Variants in ANO10 observed in about 807,000 individuals in gnomAD.
ANO10 encodes anoctamin 10, also known as anoctamin-10.
A neutral mutation model predicts 74.7 loss-of-function variants in ANO10; 77 were observed. The observed-to-expected ratio is 1.03, with a 90% CI of 0.86 to 1.25. The LOEUF (loss-of-function observed/expected upper bound fraction) is 1.25, where lower values mean the gene tolerates loss of function less well. Ranked by LOEUF, ANO10 falls within the 50% of genes most tolerant of loss-of-function variation. The pLI is 0.00. For missense variants in ANO10, 721 were observed against 778.1 expected, an observed-to-expected ratio of 0.93 and a Z score of 0.87; for synonymous variants, 279 against 284.9, an observed-to-expected ratio of 0.98 and a Z score of 0.21.
intron 11 of ANO10, among the ~76,000 whole-genome samples, chr3:43,470,380 G>C (rs924530305): frequency 9.3e-4 from 141 of 152,314 alleles, no homozygotes; most frequent in African/African-American, 3.3e-3. Flanking sequence ...TTGAGACGGA[G>C]TCTCGTTCTG....
At chr3:43,468,125 C>T (rs1027610374) in intron 11 of ANO10, among the ~76,000 whole-genome samples, 1 of 152,186 alleles carries the variant, frequency 6.6e-6, no homozygotes, top group Non-Finnish European at 1.5e-5. Flanking sequence ...TACTTTCCTG[C>T]TTTGGCCATA....
At chr3:43,546,535 C>T (rs1480960871) in intron 11 of ANO10, among the ~76,000 whole-genome samples, 2 of 152,028 alleles carry the variant, frequency 1.3e-5, no homozygotes, top group East Asian at 3.9e-4. Context: ...AAAAGACAAT[C>T]TTTTCAACAA....
At chr3:43,543,799 T>G (rs1427119269) in intron 11 of ANO10, among the ~76,000 whole-genome samples, 1 of 152,210 alleles carries the variant, frequency 6.6e-6, no homozygotes, top group Non-Finnish European at 1.5e-5. Flanking sequence ...GAATTAAACA[T>G]GCATGGTACA....
chr3:43,626,805 A>G (rs1312763425), upstream of ANO10, among the ~76,000 whole-genome samples: 2 of 152,152 alleles, frequency 1.3e-5, no homozygotes, highest in South Asian at 2.1e-4. Flanking sequence ...ATTCTGTCTT[A>G]TTAATCTGTT....
chr3:43,658,763 C>T (rs1369267505), intron 1 of ANO10, among the ~76,000 whole-genome samples: 1 of 152,108 alleles, frequency 6.6e-6, no homozygotes, highest in Non-Finnish European at 1.5e-5. Flanking sequence ...CCACCACACC[C>T]AGCCAGTTTA....
chr3:43,683,610 C>T (rs147371884), intron 1 of ANO10, among the ~76,000 whole-genome samples: 3,213 of 152,248 alleles, frequency 0.021, 53 homozygotes, highest in South Asian at 0.092. Flanking sequence ...AAAAAAGAGC[C>T]TGCATTGCCA....
chr3:43,502,684 A>G (rs374622916), intron 11 of ANO10, among the ~76,000 whole-genome samples: 6 of 152,268 alleles, frequency 3.9e-5, no homozygotes, highest in African/African-American at 1.2e-4. Flanking sequence ...TGGATGCATC[A>G]CAAGTGTTCA....
intron 5 of ANO10, among the ~76,000 whole-genome samples, chr3:43,578,769 A>C (rs2081130877): frequency 7.0e-6 from 1 of 142,918 alleles, no homozygotes; most frequent in South Asian, 2.1e-4. Flanking sequence ...AAAAAAAAAA[A>C]AAAAAAAAAG....
At chr3:43,486,286 TA>T (rs2076485923) in intron 11 of ANO10, among the ~76,000 whole-genome samples, 1 of 152,230 alleles carries the variant, frequency 6.6e-6, no homozygotes, top group South Asian at 2.1e-4. Flanking sequence ...GTCTTGCCAT[TA>T]AAATCTGTTT....
At chr3:43,684,445 G>C (rs2084246391) in intron 1 of ANO10, among the ~76,000 whole-genome samples, 2 of 152,210 alleles carry the variant, frequency 1.3e-5, no homozygotes, top group Admixed American at 6.5e-5. Flanking sequence ...GTGCTAGAGA[G>C]GATGTGGAGA....
At chr3:43,501,507 T>C (rs1488658928) in intron 11 of ANO10, among the ~76,000 whole-genome samples, 1 of 152,130 alleles carries the variant, frequency 6.6e-6, no homozygotes, top group Non-Finnish European at 1.5e-5. Context: ...ATGAAAAATC[T>C]AGAGAATCTG....
intron 1 of ANO10, among the ~76,000 whole-genome samples, chr3:43,617,783 A>G (rs999494696): frequency 6.6e-6 from 1 of 152,246 alleles, no homozygotes; most frequent in East Asian, 1.9e-4. Context: ...AAGGAAATGC[A>G]TAACACTGTC....
At chr3:43,544,777 A>AGCAAGAC (rs1405433852) in intron 11 of ANO10, among the ~76,000 whole-genome samples, 93 of 146,494 alleles carry the variant, frequency 6.3e-4, no homozygotes, top group African/African-American at 2.2e-3. Flanking sequence ...TGGGTGACAG[A>AGCAAGAC]GCAAGACTCT....
chr3:43,483,125 G>T (rs911580658), intron 11 of ANO10, among the ~76,000 whole-genome samples: 1 of 152,210 alleles, frequency 6.6e-6, no homozygotes, highest in Non-Finnish European at 1.5e-5. Context: ...GACATGGATG[G>T]ATGGTCAGCA....
At chr3:43,539,900 C>T (rs886957830) in intron 11 of ANO10, among the ~76,000 whole-genome samples, 1 of 152,144 alleles carries the variant, frequency 6.6e-6, no homozygotes, top group South Asian at 2.1e-4. Flanking sequence ...TTCTCCTAAA[C>T]TTTCTTAGGC....
At chr3:43,658,398 A>T in intron 1 of ANO10, among the ~76,000 whole-genome samples, 1 of 152,152 alleles carries the variant, frequency 6.6e-6, no homozygotes, top group African/African-American at 2.4e-5. Context: ...GACCATCTAC[A>T]AGGAACTGCA....
intron 12 of ANO10, among the ~76,000 whole-genome samples, chr3:43,374,971 A>G (rs1178776569): frequency 6.6e-6 from 1 of 151,996 alleles, no homozygotes; most frequent in Non-Finnish European, 1.5e-5. Flanking sequence ...AAATACAAAA[A>G]TTAGCTGGGC....
chr3:43,677,097 T>C (rs1020045989), intron 1 of ANO10, among the ~76,000 whole-genome samples: 1 of 152,126 alleles, frequency 6.6e-6, no homozygotes. Context: ...CAGCTGCCCA[T>C]CAACAGTGGA....
intron 10 of ANO10, among the ~76,000 whole-genome samples, chr3:43,552,724 AT>A (rs2079537031): frequency 4.9e-5 from 5 of 102,970 alleles, no homozygotes; most frequent in African/African-American, 7.3e-5. Context: ...ATATATATAT[AT>A]ATATGTATGT....
Sources: gnomAD v4.1 joint callset for allele counts (sites outside exome capture counted in the v4.1 genomes callset) on GRCh38, gnomAD v4.1.1 for gene constraint, MANE v1.5 for transcripts, NCBI Gene and HGNC (gene_info 2026-07-23, HGNC 2026-07-21) for gene names.